The following BCL2L12 variants were observed in gnomAD, a reference collection of about 807,000 sequenced individuals.
The protein encoded by BCL2L12 is bcl-2-like protein 12.
In BCL2L12, 27 loss-of-function variants were observed where a neutral mutation model predicts 25.7. That is an observed-to-expected ratio of 1.05 (90% confidence interval 0.78 to 1.45). The LOEUF is 1.45. BCL2L12 is among the 40% of genes most tolerant of loss of function. BCL2L12 has a pLI of 0.00. For synonymous variants in BCL2L12, 132 were observed against 145.6 expected (o/e 0.91, Z 0.67); for missense variants, 302 against 329.8 (o/e 0.92, Z 0.65).
At chr19:49,671,657 G>C (rs963552708) in intron 6 of BCL2L12, among the ~76,000 whole-genome samples, 1 of 152,076 alleles carries the variant, frequency 6.6e-6, no homozygotes, top group Admixed American at 6.6e-5. Flanking sequence ...AATAGTGAGA[G>C]TAGTAGTGCT....
chr19:49,673,722 G>C lies in BCL2L12; in HGVS notation c.727G>C (p.Val243Leu). The C allele has an allele frequency of 6.2e-7, 1 of 1,614,122 alleles. No individual in the cohort carries two copies. The highest frequency in any genetic ancestry group is 8.5e-7 in the Non-Finnish European group (1 of 1,180,014). The change falls in exon 7 of 7, where the codon GTG becomes CTG. Residue 243 changes from valine (V) to leucine (L), a missense_variant. Physicochemically the swap from Val to Leu is conservative, Grantham distance 32. Transcript: ENST00000246784. ...GWEGILAVSP[V>L]DLNLPLD ...GGAGGGCATCCTGGCTGTTTCACCC[G>C]TGGACTTGAACTTGCCATTGGACTG...
At position 49,673,871 on chromosome 19, in the gene BCL2L12, A is replaced by T; in HGVS notation, c.*123A>T. ...GTGGTTGCCCTACCTGTTTTTGCCA[A>T]AAATAAATTGTTTAAAACTTTTCTT... On this transcript the variant is annotated 3_prime_UTR_variant, in exon 7 of 7. Transcript: ENST00000246784. The T allele has an allele frequency of 9.0e-7, 1 of 1,106,270 alleles. No homozygotes were observed. The highest frequency in any genetic ancestry group is 1.3e-6 in the Non-Finnish European group (1 of 766,090). The allele number at this position is 1,106,270 out of a possible 1,614,324, so 68.5% of individuals were successfully genotyped here.
At chr19:49,669,807 C>T (rs968243471) in intron 5 of BCL2L12, among the ~76,000 whole-genome samples, 1 of 152,104 alleles carries the variant, frequency 6.6e-6, no homozygotes, top group African/African-American at 2.4e-5. Flanking sequence ...GGAGGTGTGG[C>T]TTGTGGCTGT....
At position 49,672,517 on chromosome 19, in the gene BCL2L12, G is replaced by C. The variant is rs1028996652; in HGVS notation, c.703-1181G>C. Among the ~76,000 whole-genome samples the C allele has an allele frequency of 1.3e-5, 2 of 152,216 alleles. No individual in the cohort carries two copies. The highest frequency in any genetic ancestry group is 2.9e-5 in the Non-Finnish European group (2 of 68,048). ...TAGGCGCTAATGGGCGCCCTCTGGCGGCTGCCTGGGGACAGACTGCTGGGG... is the reference window on the plus strand; with the variant it reads ...TAGGCGCTAATGGGCGCCCTCTGGCCGCTGCCTGGGGACAGACTGCTGGGG... On this transcript the variant is annotated intron_variant, in intron 6 of 6. Transcript: ENST00000246784. The surrounding 1 kb of genome is among the most constrained non-coding windows in gnomAD (Gnocchi z 4.1).
intron 3 of BCL2L12, among the ~76,000 whole-genome samples, chr19:49,667,656 C>A (rs1049995178): frequency 6.6e-6 from 1 of 152,136 alleles, no homozygotes; most frequent in East Asian, 1.9e-4. Context: ...AAAAGGGGTT[C>A]ACAGCTTGGG....
upstream of BCL2L12, chr19:49,665,809 C>G: frequency 6.3e-7 from 1 of 1,579,810 alleles, no homozygotes; most frequent in African/African-American, 1.4e-5. Flanking sequence ...CTTTGGGTAA[C>G]AGACCCAAAA....
intron 5 of BCL2L12, 125 bp downstream of exon 5, chr19:49,669,240 C>G: frequency 6.7e-7 from 1 of 1,485,120 alleles, no homozygotes; most frequent in Non-Finnish European, 9.0e-7. Flanking sequence ...GACAAGGTTT[C>G]AATGAAGGGT....
Position 49,673,741 on chromosome 19 carries a change from T to C in BCL2L12, c.746T>C (p.Leu249Ser), listed in dbSNP as rs753393869. Residue 249 changes from leucine (L) to serine (S), a missense_variant, in exon 7 of 7, where the codon TTG (leucine) becomes TCG (serine). Physicochemically the swap from Leu to Ser is moderately radical, Grantham distance 145 (BLOSUM62 -2). Coordinates refer to ENST00000246784, the MANE Select transcript of BCL2L12 (RefSeq NM_138639.2). ...AVSPVDLNLPLD is the reference protein window; with the variant it reads ...AVSPVDLNLPSD ...TCACCCGTGGACTTGAACTTGCCATTGGACTGAGCTCTTTCTCAGAAGCTG... is the reference window on the plus strand; with the variant it reads ...TCACCCGTGGACTTGAACTTGCCATCGGACTGAGCTCTTTCTCAGAAGCTG... 6.2e-7 allele frequency: 1 copy of C among 1,614,088 alleles called. No individual in the cohort carries two copies. The highest frequency in any genetic ancestry group is 1.3e-5 in the African/African-American group (1 of 74,938).
intron 2 of BCL2L12, 23 bp downstream of exon 2, chr19:49,666,822 C>A: frequency 6.5e-7 from 1 of 1,545,162 alleles, no homozygotes; most frequent in East Asian, 2.4e-5. Context: ...GCCCTTCTCC[C>A]CCAGGGGCCA....
At chr19:49,666,517 G>C (rs1049597654) in intron 1 of BCL2L12, among the ~76,000 whole-genome samples, 168 bp from the exon 2 acceptor site, 3 of 152,130 alleles carry the variant, frequency 2.0e-5, no homozygotes, top group East Asian at 1.9e-4. Flanking sequence ...TTTCCTGATC[G>C]CTTTTTCGTC....
chr19:49,665,672 C>T (rs940962592), upstream of BCL2L12: 4 of 1,073,028 alleles, frequency 3.7e-6, no homozygotes, highest in African/African-American at 3.2e-5. Flanking sequence ...TGGAACCCAC[C>T]CCTGTCTTGG....
At chr19:49,671,988 ATTGAC>A (rs2081970066) in intron 6 of BCL2L12, 1 of 152,354 alleles carries the variant, frequency 6.6e-6, no homozygotes, top group African/African-American at 2.4e-5. Context: ...AGATGGTGGA[ATTGAC>A]TTGTTTTACT....
intron 5 of BCL2L12, 41 bp from the exon 6 acceptor site, chr19:49,670,175 G>C: frequency 1.3e-6 from 2 of 1,584,838 alleles, no homozygotes; most frequent in Non-Finnish European, 1.7e-6. Context: ...GCTGGCCCCG[G>C]GGGCGCTGCT....
At chr19:49,671,827 G>A (rs117273958) in intron 6 of BCL2L12, among the ~76,000 whole-genome samples, 6 of 152,176 alleles carry the variant, frequency 3.9e-5, no homozygotes, top group East Asian at 1.9e-4. Context: ...CCCTGCCTCC[G>A]TCCTGCTCCT....
chr19:49,665,557 C>A (rs1014611115), upstream of BCL2L12: 2 of 427,694 alleles, frequency 4.7e-6, no homozygotes, highest in East Asian at 7.7e-5. Context: ...TTCCACTCTC[C>A]GTGCAGACCC....
At chr19:49,670,536 C>G in intron 6 of BCL2L12, 48 bp downstream of exon 6, 1 of 1,521,750 alleles carries the variant, frequency 6.6e-7, no homozygotes, top group Non-Finnish European at 8.8e-7. Context: ...ACCTAACTGT[C>G]ATGTGATAGA....
At chr19:49,665,838 T>G, upstream of BCL2L12, 1 of 1,597,044 alleles carries the variant, frequency 6.3e-7, no homozygotes, top group Non-Finnish European at 8.6e-7. Flanking sequence ...GACGGCCCGC[T>G]GGGCTGTTCC....
At chr19:49,673,387 C>G (rs1396396827) in intron 6 of BCL2L12, among the ~76,000 whole-genome samples, 2 of 151,902 alleles carry the variant, frequency 1.3e-5, no homozygotes, top group Non-Finnish European at 2.9e-5. Context: ...CTGAATTGTT[C>G]AAATCCCAAG....
In BCL2L12 at chr19:49,667,163, T is replaced by C. The variant is rs1263299066; in HGVS notation, c.250+2T>C. ...GCCCCTGCTATGGTTTAGAGCCTGGTAAGAGATTTCCATGATCATCTATGA... is the reference window on the plus strand; with the variant it reads ...GCCCCTGCTATGGTTTAGAGCCTGGCAAGAGATTTCCATGATCATCTATGA... On this transcript the variant is annotated splice_donor_variant, in intron 3 of 6. Coordinates refer to ENST00000246784, the MANE Select transcript of BCL2L12 (RefSeq NM_138639.2). LOFTEE classifies it high-confidence loss of function. 2.5e-6 allele frequency: 4 copies of C among 1,609,440 alleles called. No individual in the cohort carries two copies. The highest frequency in any genetic ancestry group is 8.5e-7 in the Non-Finnish European group (1 of 1,176,342).
Sources: gnomAD v4.1 joint callset for allele counts (sites outside exome capture counted in the v4.1 genomes callset) on GRCh38, gnomAD v4.1.1 for gene constraint, Gnocchi (gnomAD v3.1) non-coding constraint, MANE v1.5 for transcripts, NCBI Gene and HGNC (gene_info 2026-07-23, HGNC 2026-07-21) for gene names.